RYR3: variants seen among roughly 807,000 people sequenced by gnomAD.
The protein encoded by RYR3 is ryanodine receptor 3, also known as brain ryanodine receptor-calcium release channel.
Under a neutral mutation model 584.3 loss-of-function variants are expected in RYR3, and 207 were observed. The observed-to-expected ratio is 0.35, with a 90% CI of 0.32 to 0.40. RYR3 has a LOEUF of 0.40. RYR3 is among the 10% of genes least tolerant of loss of function. RYR3 has a pLI of 1.00. For missense variants in RYR3, 5,616 were observed against 6,089.2 expected (o/e 0.92, Z 2.59); for synonymous variants, 2,416 against 2,248.5 (o/e 1.07, Z -2.11).
intron 1 of RYR3, among the ~76,000 whole-genome samples, chr15:33,334,902 A>G (rs960446281): frequency 6.6e-6 from 1 of 152,234 alleles, no homozygotes; most frequent in Non-Finnish European, 1.5e-5. Context: ...GAAGACATAC[A>G]TGCAGTCAAC....
rs7165225 is a variant in RYR3, at chr15:33,742,393, C to T, written c.7848C>T (p.Tyr2616=). 7.1e-5 allele frequency: 115 copies of T among 1,612,870 alleles called. No homozygotes were observed. The African/African-American group carries it at 1.3e-3, about 18-fold the overall frequency. The change falls in exon 52 of 104, where the codon TAC becomes TAT. Residue 2616 remains tyrosine, a synonymous_variant. Coordinates refer to ENST00000634891, the MANE Select transcript of RYR3 (RefSeq NM_001036.6). ...MNFSLPEKLE[Y]IVTKYAEHSH... is the part of the protein sequence containing the mutation. Reference sequence around the variant, plus strand: ...TTTCCTTGCCTGAAAAATTGGAATACATCGTCACCAAGTATGCTGAGCATT... The same window carrying T: ...TTTCCTTGCCTGAAAAATTGGAATATATCGTCACCAAGTATGCTGAGCATT...
intron 12 of RYR3, among the ~76,000 whole-genome samples, chr15:33,574,856 CCCATTCATGTG>C (rs1567572244): frequency 6.6e-6 from 1 of 152,106 alleles, no homozygotes; most frequent in African/African-American, 2.4e-5. Flanking sequence ...GTAGTCAAGA[CCCATTCATGTG>C]CCGTATTCAA....
intron 28 of RYR3, among the ~76,000 whole-genome samples, chr15:33,645,969 GC>G (rs2062079621): frequency 6.6e-6 from 1 of 152,102 alleles, no homozygotes; most frequent in Non-Finnish European, 1.5e-5. Context: ...ATGTTTTCAT[GC>G]CCAGTGACAA....
Position 33,841,535 on chromosome 15 carries a change from A to T in RYR3, c.13038-329A>T, listed in dbSNP as rs552425224. 5.9e-5 allele frequency among the ~76,000 whole-genome samples: 9 copies of T among 152,378 alleles called. No homozygotes were observed. The South Asian group carries it at 1.9e-3, about 32-fold the overall frequency. On this transcript the variant is annotated intron_variant, in intron 90 of 103. Transcript: ENST00000634891. ...CAGGTCTTTTATACAATATCTTATT[A>T]AATCTTGCCAGAAGTGTGGAAGAGT...
intron 70 of RYR3, among the ~76,000 whole-genome samples, chr15:33,810,076 ATTCTG>A (rs2076437127): frequency 6.6e-6 from 1 of 152,264 alleles, no homozygotes; most frequent in African/African-American, 2.4e-5. Context: ...CAGAGCAATT[ATTCTG>A]TGCTGGATAC....
At chr15:33,548,288 A>C in intron 9 of RYR3, 84 bp downstream of exon 9, 1 of 821,910 alleles carries the variant, frequency 1.2e-6, no homozygotes, top group Non-Finnish European at 1.9e-6. Flanking sequence ...CATTCATTCC[A>C]CATCATCTGG....
At chr15:33,709,266 C>A (rs2066928537) in intron 43 of RYR3, among the ~76,000 whole-genome samples, 1 of 152,034 alleles carries the variant, frequency 6.6e-6, no homozygotes, top group African/African-American at 2.4e-5. Flanking sequence ...AGGGAGAGAG[C>A]ACTGAAGGGG....
chr15:33,448,230 A>G (rs1036120618), intron 1 of RYR3, among the ~76,000 whole-genome samples: 6 of 152,324 alleles, frequency 3.9e-5, no homozygotes, highest in South Asian at 4.1e-4. Context: ...ACGTCTGGCC[A>G]GCTGCTGGCC....
intron 9 of RYR3, among the ~76,000 whole-genome samples, chr15:33,549,671 C>G (rs866371185): frequency 6.6e-6 from 1 of 152,252 alleles, no homozygotes; most frequent in Middle Eastern, 3.4e-3. Context: ...TCATTGTTGA[C>G]TTATTATGCT....
intron 64 of RYR3, among the ~76,000 whole-genome samples, chr15:33,776,962 T>C (rs567868267): frequency 2.3e-4 from 35 of 152,354 alleles, no homozygotes; most frequent in South Asian, 2.1e-4. Flanking sequence ...TGAAAAATAC[T>C]GTATGAGGCA....
intron 69 of RYR3, among the ~76,000 whole-genome samples, chr15:33,804,724 G>C (rs945534964): frequency 6.6e-6 from 1 of 152,198 alleles, no homozygotes; most frequent in Admixed American, 6.5e-5. Flanking sequence ...TTCCTTATCA[G>C]TTGACTCCCT....
rs754510315 is a variant in RYR3, at chr15:33,530,619, C to G, written c.307C>G (p.Leu103Val). The G allele has an allele frequency of 1.2e-6, 2 of 1,613,588 alleles. No homozygotes were observed. The highest frequency in any genetic ancestry group is 3.3e-5 in the Admixed American group (2 of 60,002). The change falls in exon 4 of 104, where the codon CTG (leucine) becomes GTG (valine). Residue 103 changes from leucine to valine, a missense_variant. By Grantham distance (32) the Leu-to-Val change is conservative. Transcript: ENST00000634891. The part of the protein sequence containing the change: ...GAAQGGGHRT[L>V]LYGHAVLLRH... ...AGCACAAGGAGGTGGCCACAGGACC[C>G]TGTTATACGGCCATGCAGTTCTCCT... is the stretch of plus-strand genomic sequence containing the variant.
Position 33,584,376 on chromosome 15 carries a change from A to G in RYR3, c.1574-19A>G. ...TTATATCCTTTAACCTCTATGATCA[A>G]ACATCTCCTTGTTTGCAGCTGCTCT... On this transcript the variant is annotated intron_variant, in intron 14 of 103. Transcript: ENST00000634891. 1 of 1,464,446 alleles carries G rather than the reference A, an allele frequency of 6.8e-7. No homozygotes were observed. The highest frequency in any genetic ancestry group is 9.5e-7 in the Non-Finnish European group (1 of 1,049,516). The allele number at this position is 1,464,446 out of a possible 1,614,324, so 90.7% of individuals were successfully genotyped here.
chr15:33,395,133 TG>T (rs916702960), intron 1 of RYR3, among the ~76,000 whole-genome samples: 4 of 152,254 alleles, frequency 2.6e-5, no homozygotes, highest in African/African-American at 9.6e-5. Context: ...ATCAAGAAAA[TG>T]TGCTCAGTTA....
chr15:33,361,687 T>G (rs548367075), intron 1 of RYR3, among the ~76,000 whole-genome samples: 27 of 152,306 alleles, frequency 1.8e-4, no homozygotes, highest in Admixed American at 1.2e-3. Flanking sequence ...GAAGAGACTC[T>G]ATTTTATATT....
At chr15:33,407,488 G>C (rs554542983) in intron 1 of RYR3, among the ~76,000 whole-genome samples, 1 of 152,310 alleles carries the variant, frequency 6.6e-6, no homozygotes, top group African/African-American at 2.4e-5. Flanking sequence ...TGGTGTGACA[G>C]AACAGCAGAT....
chr15:33,843,422 G>A, intron 91 of RYR3, 66 bp from the exon 92 acceptor site: 2 of 1,116,264 alleles, frequency 1.8e-6, no homozygotes, highest in Non-Finnish European at 2.7e-6. Context: ...GACCTTCTGT[G>A]TGAAAGTAGG....
chr15:33,587,759 ATCCT>A (rs571142717), intron 16 of RYR3, among the ~76,000 whole-genome samples: 1 of 152,312 alleles, frequency 6.6e-6, no homozygotes, highest in South Asian at 2.1e-4. Flanking sequence ...ATGAATTCAG[ATCCT>A]TCCTTAGGTA....
rs148781165 is a variant in RYR3, at chr15:33,590,679, G to A, written c.1788+4563G>A. 3.9e-3 allele frequency among the ~76,000 whole-genome samples: 577 copies of A among 146,980 alleles called. 2 individuals are homozygous for A. Among genetic ancestry groups the A allele is most frequent in the African/African-American group, 0.014 (547 of 39,430 alleles). ...CAGCTATTGTAAATGGGATTGCCTC[G>A]AAGGCATTTTCATATAATAAGTTAG... On this transcript the variant is annotated intron_variant, in intron 16 of 103. Coordinates refer to ENST00000634891, the MANE Select transcript of RYR3 (RefSeq NM_001036.6).
Sources: gnomAD v4.1 joint callset for allele counts (sites outside exome capture counted in the v4.1 genomes callset) on GRCh38, gnomAD v4.1.1 for gene constraint, MANE v1.5 for transcripts, NCBI Gene and HGNC (gene_info 2026-07-23, HGNC 2026-07-21) for gene names.